PKHD1: variants seen among roughly 807,000 people sequenced by gnomAD.
PKHD1 encodes fibrocystin.
A neutral mutation model predicts 412.0 loss-of-function variants in PKHD1; 291 were observed. That is an observed-to-expected ratio of 0.71 (90% CI 0.64 to 0.78). The LOEUF (loss-of-function observed/expected upper bound fraction) is 0.78, where lower values mean the gene tolerates loss of function less well. Among genes scored for constraint, PKHD1 ranks in the 30% least tolerant of loss-of-function variants. PKHD1 has a pLI of 0.00. For missense variants in PKHD1, 4,825 were observed against 4,950.7 expected, an observed-to-expected ratio of 0.97 and a Z score of 0.76; for synonymous variants, 1,777 against 1,821.5, an observed-to-expected ratio of 0.98 and a Z score of 0.62.
intron 37 of PKHD1, among the ~76,000 whole-genome samples, chr6:51,925,017 G>A (rs556967364): frequency 1.6e-4 from 24 of 152,186 alleles, no homozygotes; most frequent in African/African-American, 5.5e-4. Context: ...CTGAAACACT[G>A]GGGAGTTTTT....
intron 48 of PKHD1, among the ~76,000 whole-genome samples, chr6:51,863,562 A>G (rs1774540907): frequency 6.6e-6 from 1 of 152,322 alleles, no homozygotes; most frequent in East Asian, 1.9e-4. Context: ...AAATAAAGGC[A>G]AACTGATGAT....
chr6:51,899,834 T>C (rs1017838729), intron 43 of PKHD1, among the ~76,000 whole-genome samples: 1 of 152,180 alleles, frequency 6.6e-6, no homozygotes, highest in African/African-American at 2.4e-5. Flanking sequence ...GGATACAATA[T>C]CAATGTACAA....
intron 13 of PKHD1, among the ~76,000 whole-genome samples, chr6:52,062,943 A>C (rs562443730): frequency 6.6e-6 from 1 of 152,334 alleles, no homozygotes; most frequent in South Asian, 2.1e-4. Flanking sequence ...TTGAATGAGC[A>C]AACAGAAGCT....
intron 35 of PKHD1, among the ~76,000 whole-genome samples, chr6:51,981,528 G>C (rs1335877900): frequency 3.4e-4 from 51 of 151,072 alleles, no homozygotes; most frequent in African/African-American, 1.2e-3. Flanking sequence ...TGTGTTGGCC[G>C]GGCTGGTCTC....
chr6:52,067,264 C>CT (rs199620465), intron 11 of PKHD1, among the ~76,000 whole-genome samples: 404 of 151,554 alleles, frequency 2.7e-3, no homozygotes, highest in Middle Eastern at 6.8e-3. Flanking sequence ...TTTATAATTT[C>CT]TTTTTTTTTA....
intron 37 of PKHD1, among the ~76,000 whole-genome samples, chr6:51,924,955 C>T (rs1785289542): frequency 6.6e-6 from 1 of 152,176 alleles, no homozygotes; most frequent in Admixed American, 6.5e-5. Flanking sequence ...AACCACATAA[C>T]AAATATCATG....
chr6:51,962,768 C>T (rs1346815587), intron 35 of PKHD1, among the ~76,000 whole-genome samples: 4 of 152,068 alleles, frequency 2.6e-5, no homozygotes, highest in African/African-American at 4.8e-5. Flanking sequence ...TGCCTCTGCT[C>T]AGGTATCACC....
At chr6:52,080,859 A>G (rs1413178056) in intron 4 of PKHD1, among the ~76,000 whole-genome samples, 1 of 152,210 alleles carries the variant, frequency 6.6e-6, no homozygotes, top group Non-Finnish European at 1.5e-5. Context: ...TAAATAAAAT[A>G]CATTATTAAA....
At chr6:51,841,917 C>G (rs551307713) in intron 50 of PKHD1, among the ~76,000 whole-genome samples, 214 of 152,354 alleles carry the variant, frequency 1.4e-3, no homozygotes, top group Non-Finnish European at 1.1e-3. Flanking sequence ...GGATCAGGAG[C>G]CTAGGCTCCA....
At chr6:51,834,976 T>C (rs959521431) in intron 51 of PKHD1, among the ~76,000 whole-genome samples, 1 of 152,194 alleles carries the variant, frequency 6.6e-6, no homozygotes, top group Non-Finnish European at 1.5e-5. Context: ...ATATCTGGGC[T>C]TCACATCCCC....
At chr6:51,713,943 T>C (rs1330806566) in intron 60 of PKHD1, among the ~76,000 whole-genome samples, 7 of 152,162 alleles carry the variant, frequency 4.6e-5, no homozygotes, top group Non-Finnish European at 8.8e-5. Flanking sequence ...TCTTCAGGAA[T>C]TGCATCAGAC....
In PKHD1 at chr6:51,855,149, G is replaced by T. The variant is rs369628949; in HGVS notation, c.7911+744C>A. 2.7e-3 allele frequency among the ~76,000 whole-genome samples: 418 copies of T among 152,354 alleles called. 3 individuals are homozygous for T. Among genetic ancestry groups the T allele is most frequent in the African/African-American group, 9.7e-3 (404 of 41,604 alleles). On this transcript the variant is annotated intron_variant, in intron 49 of 66. Transcript: ENST00000371117. ...GGCTCACTCACCGCCTCCCTTGGCTGTGGGGAACGGAGTTCCTTTTCCCCG... is the reference window on the plus strand; with the variant it reads ...GGCTCACTCACCGCCTCCCTTGGCTTTGGGGAACGGAGTTCCTTTTCCCCG...
intron 35 of PKHD1, among the ~76,000 whole-genome samples, chr6:52,004,739 C>T (rs1798845290): frequency 6.6e-6 from 1 of 152,136 alleles, no homozygotes; most frequent in South Asian, 2.1e-4. Flanking sequence ...AAAGTGTGGC[C>T]TTTCTGAGGT....
chr6:51,952,550 GAAAAA>G (rs1790517982), intron 36 of PKHD1, among the ~76,000 whole-genome samples: 2 of 151,888 alleles, frequency 1.3e-5, no homozygotes, highest in South Asian at 4.1e-4. Flanking sequence ...GTAGAGGGAA[GAAAAA>G]ATACACCTTG....
At chr6:51,772,923 C>A in intron 54 of PKHD1, 134 bp from the exon 55 acceptor site, 1 of 673,026 alleles carries the variant, frequency 1.5e-6, no homozygotes. Context: ...CCCATATTAT[C>A]AAAAGCATTA....
intron 63 of PKHD1, among the ~76,000 whole-genome samples, chr6:51,645,962 C>G (rs1356177135): frequency 6.6e-6 from 1 of 152,176 alleles, no homozygotes; most frequent in East Asian, 1.9e-4. Context: ...TATTTTCCAT[C>G]TACCTTAAAA....
intron 61 of PKHD1, among the ~76,000 whole-genome samples, chr6:51,650,783 A>C (rs575781451): frequency 3.9e-5 from 6 of 152,258 alleles, no homozygotes; most frequent in Admixed American, 6.5e-5. Context: ...TTTGGCTGGA[A>C]TCACTCCCTG....
intron 52 of PKHD1, among the ~76,000 whole-genome samples, chr6:51,818,371 C>A (rs1020727069): frequency 6.6e-6 from 1 of 152,082 alleles, no homozygotes; most frequent in Non-Finnish European, 1.5e-5. Context: ...TCACCATGAC[C>A]CTTAATAACA....
intron 51 of PKHD1, among the ~76,000 whole-genome samples, chr6:51,835,845 G>A (rs983873241): frequency 3.3e-5 from 5 of 152,170 alleles, no homozygotes; most frequent in African/African-American, 1.2e-4. Context: ...AGAAATCTCT[G>A]CGTTTGAAAA....
Sources: gnomAD v4.1 joint callset for allele counts (sites outside exome capture counted in the v4.1 genomes callset) on GRCh38, gnomAD v4.1.1 for gene constraint, MANE v1.5 for transcripts, NCBI Gene and HGNC (gene_info 2026-07-23, HGNC 2026-07-21) for gene names.